SVIL: variants seen among roughly 807,000 people sequenced by gnomAD.
SVIL encodes the protein supervillin.
SVIL carries 101 observed loss-of-function variants against 240.4 expected under a neutral mutation model. That is an observed-to-expected ratio of 0.42 (90% confidence interval 0.36 to 0.50). The LOEUF (loss-of-function observed/expected upper bound fraction) is 0.50, where lower values mean the gene tolerates loss of function less well. Among genes scored for constraint, SVIL ranks in the 20% least tolerant of loss-of-function variants. SVIL has a pLI of 0.01. For synonymous variants in SVIL, 999 were observed against 1,100.0 expected (o/e 0.91, Z 1.82); for missense variants, 2,512 against 2,818.7 (o/e 0.89, Z 2.46).
intron 9 of SVIL, among the ~76,000 whole-genome samples, chr10:29,531,721 TA>T (rs1466981356): frequency 2.0e-5 from 3 of 152,170 alleles, no homozygotes; most frequent in Non-Finnish European, 4.4e-5. Context: ...TAACAAGGGG[TA>T]AAAAACATTA....
intron 30 of SVIL, among the ~76,000 whole-genome samples, chr10:29,471,964 A>T (rs1945633779): frequency 6.6e-6 from 1 of 152,148 alleles, no homozygotes. Context: ...ACCATGGCTC[A>T]TGCCTGTAGT....
chr10:29,689,492 G>T (rs1961339253), intron 1 of SVIL, among the ~76,000 whole-genome samples: 1 of 152,204 alleles, frequency 6.6e-6, no homozygotes. Flanking sequence ...CACTATATTG[G>T]CCAGGCTGGT....
chr10:29,696,682 C>G (rs1406144212), intron 1 of SVIL, among the ~76,000 whole-genome samples: 10 of 149,498 alleles, frequency 6.7e-5, no homozygotes, highest in Non-Finnish European at 1.5e-4. Context: ...TGCCCGGCCG[C>G]CCCGTCTGAG....
rs777310448 is a variant in SVIL, at chr10:29,550,601, G to C, written c.823C>G (p.Pro275Ala). 58 of 1,606,452 alleles carry C rather than the reference G, an allele frequency of 3.6e-5. No individual in the cohort carries two copies. In the South Asian group the frequency reaches 5.9e-4, roughly 16 times the overall value. Residue 275 changes from proline to alanine, a missense_variant, in exon 6 of 38, where the codon CCC becomes GCC. Pro to Ala is a conservative substitution (Grantham distance 27). Transcript: ENST00000355867. ...TAGCGTGGACTGGATGCTTACCTGG[G>C]TCGGGCCTCAGGGGATAGCTGTGGG... ...GDPQLSPEARPSTGKPKHEWF... is the reference protein window; with the variant it reads ...GDPQLSPEARASTGKPKHEWF...
intron 1 of SVIL, among the ~76,000 whole-genome samples, chr10:29,716,291 T>C (rs1300487212): frequency 1.3e-5 from 2 of 152,244 alleles, no homozygotes; most frequent in Admixed American, 1.3e-4. Flanking sequence ...AATTACATTG[T>C]TTCTCTAGTT....
intron 1 of SVIL, among the ~76,000 whole-genome samples, chr10:29,633,236 C>CAA (rs5784146): frequency 8.2e-4 from 58 of 70,928 alleles, no homozygotes; most frequent in Middle Eastern, 7.0e-3. Flanking sequence ...GACTCCATCT[C>CAA]AAAAAAAAAA....
rs904249979 is a variant in SVIL, at chr10:29,679,077, C to T, written c.-301+7476G>A. Among the ~76,000 whole-genome samples, 6 of 152,092 alleles carry T rather than the reference C, an allele frequency of 3.9e-5. No individual in the cohort carries two copies. In the South Asian group the frequency reaches 6.2e-4, roughly 16 times the overall value. ...AAAATTAGCCTGGCATGGTGGCGCA[C>T]GCCTGTAATCCCAGCTACTTGGGTG... On this transcript the variant is annotated intron_variant, in intron 2 of 35. Transcript: ENST00000375400.
At chr10:29,732,112 A>G (rs1044053380) in intron 1 of SVIL, among the ~76,000 whole-genome samples, 6 of 152,330 alleles carry the variant, frequency 3.9e-5, no homozygotes, top group Middle Eastern at 3.4e-3. Flanking sequence ...CACGCCTCCA[A>G]TTGGTTATGC....
chr10:29,655,449 G>A (rs1589459392), intron 3 of SVIL, among the ~76,000 whole-genome samples: 1 of 152,306 alleles, frequency 6.6e-6, no homozygotes, highest in Non-Finnish European at 1.5e-5. Flanking sequence ...AGAAGACCCA[G>A]CAAGCTGCTT....
At chr10:29,602,590 A>G (rs921950024) in intron 1 of SVIL, among the ~76,000 whole-genome samples, 1 of 152,268 alleles carries the variant, frequency 6.6e-6, no homozygotes, top group Non-Finnish European at 1.5e-5. Flanking sequence ...CCTATCAATC[A>G]TGTACATTTG....
At chr10:29,513,725 A>G (rs534452452) in intron 16 of SVIL, among the ~76,000 whole-genome samples, 2 of 152,346 alleles carry the variant, frequency 1.3e-5, no homozygotes, top group East Asian at 3.9e-4. Flanking sequence ...ACTATTTTCT[A>G]TAAACCCATT....
intron 22 of SVIL, among the ~76,000 whole-genome samples, chr10:29,489,246 A>G (rs554908111): frequency 5.9e-5 from 9 of 152,360 alleles, no homozygotes; most frequent in Non-Finnish European, 1.0e-4. Flanking sequence ...GTGATCAGCC[A>G]GATGATATCT....
chr10:29,522,744 G>A (rs1950644807), intron 15 of SVIL, 109 bp from the exon 16 acceptor site: 47 of 1,240,808 alleles, frequency 3.8e-5, no homozygotes, highest in Non-Finnish European at 4.6e-5. Context: ...GGCACACGGC[G>A]GGTGACCCAA....
intron 2 of SVIL, among the ~76,000 whole-genome samples, chr10:29,566,698 G>A (rs1457296005): frequency 6.6e-6 from 1 of 152,174 alleles, no homozygotes; most frequent in Non-Finnish European, 1.5e-5. Flanking sequence ...AAGCACCTGT[G>A]AGGGTCCAGA....
At chr10:29,596,334 A>G (rs1029601093) in intron 1 of SVIL, among the ~76,000 whole-genome samples, 1 of 152,210 alleles carries the variant, frequency 6.6e-6, no homozygotes, top group African/African-American at 2.4e-5. Context: ...TGAGCTGGGC[A>G]TGGTGGCATG....
At chr10:29,629,781 C>T (rs1958014328) in intron 1 of SVIL, among the ~76,000 whole-genome samples, 1 of 148,452 alleles carries the variant, frequency 6.7e-6, no homozygotes, top group Admixed American at 6.9e-5. Flanking sequence ...AGCTCAAGAC[C>T]AGCCTGAGCA....
At chr10:29,568,320 GC>G (rs1955159417) in intron 2 of SVIL, among the ~76,000 whole-genome samples, 1 of 151,924 alleles carries the variant, frequency 6.6e-6, no homozygotes. Flanking sequence ...ATTTTCAAAT[GC>G]AGAGCAGGCT....
intron 1 of SVIL, among the ~76,000 whole-genome samples, chr10:29,596,686 G>A (rs1015503811): frequency 4.6e-5 from 7 of 152,160 alleles, no homozygotes; most frequent in African/African-American, 1.7e-4. Flanking sequence ...TCTCATGTAT[G>A]GAAACCAAGT....
intron 3 of SVIL, among the ~76,000 whole-genome samples, chr10:29,654,462 G>A (rs976156346): frequency 4.6e-5 from 7 of 152,046 alleles, no homozygotes; most frequent in African/African-American, 1.4e-4. Flanking sequence ...ACAAGATCAC[G>A]CCATCTGCAA....
Sources: gnomAD v4.1 joint callset for allele counts (sites outside exome capture counted in the v4.1 genomes callset) on GRCh38, gnomAD v4.1.1 for gene constraint, MANE v1.5 for transcripts, NCBI Gene and HGNC (gene_info 2026-07-23, HGNC 2026-07-21) for gene names.